The following MYH1 variants were observed in gnomAD, a reference collection of about 807,000 sequenced individuals.
MYH1 encodes the protein myosin heavy chain 1, also known as myosin-1.
MYH1 carries 214 observed loss-of-function variants against 225.6 expected under a neutral mutation model. The ratio of observed to expected loss-of-function variants is 0.95; its 90% CI spans 0.85 to 1.06. MYH1 has a LOEUF of 1.06. MYH1 is among the 50% of genes least tolerant of loss of function. The pLI, the probability that MYH1 is intolerant of heterozygous loss-of-function variation, is 0.00. For missense variants in MYH1, 2,098 were observed against 2,344.2 expected (o/e 0.89, Z 2.17); for synonymous variants, 774 against 842.3 (o/e 0.92, Z 1.40).
In MYH1 at chr17:10,504,841, T is replaced by C. The variant is rs778459618; in HGVS notation, c.2660A>G (p.Glu887Gly). 3.4e-5 allele frequency: 55 copies of C among 1,613,940 alleles called. No individual in the cohort carries two copies. Among genetic ancestry groups the C allele is most frequent in the South Asian group, 4.4e-5 (4 of 91,068 alleles). The change falls in exon 22 of 40, where the codon GAA (glutamate) becomes GGA (glycine). Residue 887 changes from glutamate (E) to glycine (G), a missense_variant. Coordinates refer to ENST00000226207, the MANE Select transcript of MYH1 (RefSeq NM_005963.4). ...LEEKMVTLMQ[E>G]KNDLQLQVQA... The stretch of plus-strand genomic sequence containing the variant: ...AACCTGGAGTTGCAAGTCATTTTTT[T>C]CTTGCATCAGAGTAACCATTTTTTC...
Position 10,512,769 on chromosome 17 carries a change from G to A in MYH1, c.920C>T (p.Thr307Ile). 1 of 1,614,054 alleles carries A rather than the reference G, an allele frequency of 6.2e-7. No homozygotes were observed. Among genetic ancestry groups the A allele is most frequent in the Non-Finnish European group, 8.5e-7 (1 of 1,179,980 alleles). ...GAAGGCATAATCGTATGGGTTGGTG[G>A]TGATCAGGAGCATTTCTGGGTCACA... Reference protein sequence around the residue: ...KPDLIEMLLITTNPYDYAFVS... With the variant: ...KPDLIEMLLIITNPYDYAFVS... Residue 307 changes from threonine to isoleucine, a missense_variant, in exon 11 of 40, where the codon ACC (threonine) becomes ATC (isoleucine). Physicochemically the swap from Thr to Ile is moderately conservative, Grantham distance 89 (BLOSUM62 -1). Transcript: ENST00000226207.
In MYH1 at chr17:10,505,526, C is replaced by T. The variant is rs893620374; in HGVS notation, c.2175-15G>A. On this transcript the variant is annotated splice_polypyrimidine_tract_variant and intron_variant, in intron 19 of 39. Coordinates refer to ENST00000226207, the MANE Select transcript of MYH1 (RefSeq NM_005963.4). ...ACACCTTGTATCTGTTTAAGCCAGA[C>T]AAAAAAATGATATGGCTGTTGCCAC... The T allele has an allele frequency of 2.5e-6, 4 of 1,605,680 alleles. No homozygotes were observed. The highest frequency in any genetic ancestry group is 2.2e-5 in the East Asian group (1 of 44,844).
At chr17:10,501,992 T>G in intron 24 of MYH1, 81 bp from the exon 25 acceptor site, 1 of 1,344,848 alleles carries the variant, frequency 7.4e-7, no homozygotes, top group East Asian at 2.4e-5. Context: ...ACATTATATC[T>G]ATGCAGCAAA....
Position 10,514,023 on chromosome 17 carries a change from G to A in MYH1, c.635C>T (p.Ser212Phe). The A allele has an allele frequency of 6.2e-7, 1 of 1,614,164 alleles. No homozygotes were observed. The highest frequency in any genetic ancestry group is 1.1e-5 in the South Asian group (1 of 91,088). Reference sequence around the variant, plus strand: ...AATCAGACTCACCTGCATTTTGCCAGAAGTAACTTCTTCCTTCTTCTTCTC... The same window carrying A: ...AATCAGACTCACCTGCATTTTGCCAAAAGTAACTTCTTCCTTCTTCTTCTC... ...TGEKKKEEVTSGKMQGTLEDQ... is the reference protein window; with the variant it reads ...TGEKKKEEVTFGKMQGTLEDQ... The change falls in exon 7 of 40, where the codon TCT becomes TTT. Residue 212 changes from serine to phenylalanine, a missense_variant. Coordinates refer to ENST00000226207, the MANE Select transcript of MYH1 (RefSeq NM_005963.4).
rs757589684 is a variant in MYH1 at position 10,505,183 on chromosome 17, G to A, written c.2415C>T (p.Tyr805=). ...AATACCTTCTTTCCACCATTTTCTG[G>A]TACTCCACTCTTGCCAAGAACCCTC... ...MCRGFLARVE[Y]QKMVERRESI... is the part of the protein sequence containing the mutation. The change falls in exon 21 of 40, where the codon TAC becomes TAT. Residue 805 remains tyrosine, a synonymous_variant. Transcript: ENST00000226207. 5 of 1,613,972 alleles carry A rather than the reference G, an allele frequency of 3.1e-6. No homozygotes were observed. Among genetic ancestry groups the A allele is most frequent in the Non-Finnish European group, 2.5e-6 (3 of 1,180,026 alleles).
chr17:10,502,154 C>T (rs1486828321), intron 24 of MYH1, among the ~76,000 whole-genome samples: 1 of 152,234 alleles, frequency 6.6e-6, no homozygotes, highest in Non-Finnish European at 1.5e-5. Flanking sequence ...CCTTCTGCAT[C>T]TCCCCACTGG....
intron 24 of MYH1, 82 bp from the exon 25 acceptor site, chr17:10,501,993 A>G: frequency 1.5e-6 from 2 of 1,340,988 alleles, no homozygotes; most frequent in East Asian, 4.7e-5. Context: ...CATTATATCT[A>G]TGCAGCAAAC....
rs754857698 is a variant in MYH1, at chr17:10,495,045, C to A, written c.5352G>T (p.Glu1784Asp). The change falls in exon 37 of 40, where the codon GAG becomes GAT. Residue 1784 changes from glutamate (E) to aspartate (D), a missense_variant. By Grantham distance (45) the Glu-to-Asp change is conservative. Coordinates refer to ENST00000226207, the MANE Select transcript of MYH1 (RefSeq NM_005963.4). ...TCTGTTCCAGGTTCTTCTTCATCCG[C>A]TCCAGATGGGCGCTGGTGTCCTGTT... is the stretch of plus-strand genomic sequence containing the variant. Reference protein sequence around the residue: ...KKEQDTSAHLERMKKNLEQTV... With the variant: ...KKEQDTSAHLDRMKKNLEQTV... 1.2e-6 allele frequency: 2 copies of A among 1,614,246 alleles called. No homozygotes were observed. The highest frequency in any genetic ancestry group is 1.1e-5 in the South Asian group (1 of 91,086).
rs1363921871 is a variant in MYH1, at chr17:10,497,113, C to G, written c.4612G>C (p.Glu1538Gln). The change falls in exon 33 of 40, where the codon GAG (glutamate) becomes CAG (glutamine). Residue 1538 changes from glutamate (E) to glutamine (Q), a missense_variant. Transcript: ENST00000226207. ...GCCTGAAGTTCAGACTTTTCTTGCT[C>G]AACTTGCTTCTTTATTTTTTCCAGT... ...HELEKIKKQV[E>Q]QEKSELQAAL... The G allele has an allele frequency of 1.2e-6, 2 of 1,614,106 alleles. No homozygotes were observed. The highest frequency in any genetic ancestry group is 2.2e-5 in the East Asian group (1 of 44,868).
Position 10,501,658 on chromosome 17 carries a change from T to G in MYH1, c.3284A>C (p.Gln1095Pro). 6.2e-7 allele frequency: 1 copy of G among 1,614,242 alleles called. No homozygotes were observed. The highest frequency in any genetic ancestry group is 8.5e-7 in the Non-Finnish European group (1 of 1,180,038). The change falls in exon 26 of 40, where the codon CAA (glutamine) becomes CCA (proline). Residue 1095 changes from glutamine to proline, a missense_variant. By Grantham distance (76) the Gln-to-Pro change is moderately conservative. Coordinates refer to ENST00000226207, the MANE Select transcript of MYH1 (RefSeq NM_005963.4). The part of the protein sequence containing the change: ...KKKEFEMSGL[Q>P]SKIEDEQALG... ...GGCTTGTTCATCTTCAATCTTGCTT[T>G]GCAGACCGCTCATTTCAAACTCTTT... is the stretch of plus-strand genomic sequence containing the variant.
At chr17:10,508,094 C>T in intron 16 of MYH1, 138 bp from the exon 17 acceptor site, 1 of 740,698 alleles carries the variant, frequency 1.4e-6, no homozygotes, top group South Asian at 1.9e-5. Flanking sequence ...TCTCGGCTCA[C>T]TGCAACCTCC....
chr17:10,516,253 G>T lies in MYH1; in HGVS notation c.294C>A (p.His98Gln), dbSNP rs61739660. 3.1e-6 allele frequency: 5 copies of T among 1,614,076 alleles called. No individual in the cohort carries two copies. In the South Asian group the frequency reaches 5.5e-5, roughly 18 times the overall value. ...IEDMAMMTHL[H>Q]EPAVLYNLKE... ...TGAGGTTGTACAGCACAGCAGGCTC[G>T]TGTAGATGAGTCATCATGGCCATGT... Residue 98 changes from histidine to glutamine, a missense_variant, in exon 4 of 40, where the codon CAC (histidine) becomes CAA (glutamine). Physicochemically the swap from His to Gln is conservative, Grantham distance 24. Transcript: ENST00000226207.
chr17:10,518,328 A>G (rs2073250052), intron 1 of MYH1, 58 bp from the exon 2 acceptor site: 1 of 152,228 alleles, frequency 6.6e-6, no homozygotes, highest in South Asian at 2.1e-4. Context: ...CGATTATAGA[A>G]CAATTCTTAA....
chr17:10,513,965 G>A (rs1431235437), intron 7 of MYH1, 45 bp downstream of exon 7: 1 of 1,613,700 alleles, frequency 6.2e-7, no homozygotes, highest in African/African-American at 1.3e-5. Context: ...TTTCCTACCT[G>A]AGAGTCCCGA....
In MYH1 at chr17:10,507,930, T is replaced by TA. The variant is rs775983006; in HGVS notation, c.1923dup (p.Lys642Ter). 2.7e-5 allele frequency: 44 copies of TA among 1,613,618 alleles called. No homozygotes were observed. Among genetic ancestry groups the TA allele is most frequent in the Non-Finnish European group, 3.6e-5 (42 of 1,179,888 alleles). ...GTCTGGAAAGAAGAACCCTTCTTCTTACCACCTTTCTTTCCACCGCCAGCC... is the reference window on the plus strand; with the variant it reads ...GTCTGGAAAGAAGAACCCTTCTTCTTAACCACCTTTCTTTCCACCGCCAGCC... On this transcript the variant is annotated frameshift_variant, in exon 17 of 40. Coordinates refer to ENST00000226207, the MANE Select transcript of MYH1 (RefSeq NM_005963.4). LOFTEE classifies it high-confidence loss of function.
rs1214148940 is a variant in MYH1, at chr17:10,513,594, T to C, written c.805+32A>G. The C allele has an allele frequency of 4.4e-6, 7 of 1,601,994 alleles. No homozygotes were observed. In the African/African-American group the frequency reaches 6.7e-5, roughly 15 times the overall value. ...TCCTCCAAACCAATATTTGTCATTC[T>C]TGGATTCTATTTAGGAGGTCCTGTT... On this transcript the variant is annotated intron_variant, in intron 9 of 39. Coordinates refer to ENST00000226207, the MANE Select transcript of MYH1 (RefSeq NM_005963.4).
chr17:10,497,625 T>G, intron 31 of MYH1, 109 bp downstream of exon 31: 1 of 1,521,032 alleles, frequency 6.6e-7, no homozygotes, highest in Non-Finnish European at 9.0e-7. Flanking sequence ...TGCTGATGGG[T>G]TAAGAGCTAC....
chr17:10,493,458 T>C (rs1258344733), intron 39 of MYH1, among the ~76,000 whole-genome samples: 1 of 152,180 alleles, frequency 6.6e-6, no homozygotes, highest in Non-Finnish European at 1.5e-5. Flanking sequence ...AATATTTATA[T>C]GTAGGAAGTT....
chr17:10,505,353 A>G, intron 20 of MYH1, 35 bp downstream of exon 20: 1 of 1,614,220 alleles, frequency 6.2e-7, no homozygotes, highest in Non-Finnish European at 8.5e-7. Context: ...TCAAAGGGAC[A>G]GGAATAGCAT....
Sources: gnomAD v4.1 joint callset for allele counts (sites outside exome capture counted in the v4.1 genomes callset) on GRCh38, gnomAD v4.1.1 for gene constraint, MANE v1.5 for transcripts, NCBI Gene and HGNC (gene_info 2026-07-23, HGNC 2026-07-21) for gene names.